Variants in HMCN1 observed in about 807,000 individuals in gnomAD.
The protein encoded by HMCN1 is hemicentin 1, also known as hemicentin-1.
In HMCN1, 321 loss-of-function variants were observed where a neutral mutation model predicts 625.9. The observed-to-expected ratio is 0.51, with a 90% CI of 0.47 to 0.56. The LOEUF is 0.56. HMCN1 is among the 20% of genes least tolerant of loss of function. The probability of loss-of-function intolerance (pLI) is 0.00; values close to 1 mark genes in which losing one functional copy is unlikely to be tolerated. For missense variants in HMCN1, 6,588 were observed against 6,887.3 expected, an observed-to-expected ratio of 0.96 and a Z score of 1.54; for synonymous variants, 2,425 against 2,417.6, an observed-to-expected ratio of 1.00 and a Z score of -0.09.
At chr1:186,011,665 C>T (rs1036586437) in intron 30 of HMCN1, among the ~76,000 whole-genome samples, 1 of 152,192 alleles carries the variant, frequency 6.6e-6, no homozygotes, top group African/African-American at 2.4e-5. Context: ...AATATATCCA[C>T]TGCAAATTTG....
At chr1:186,048,902 G>T in intron 42 of HMCN1, 63 bp downstream of exon 42, 1 of 969,370 alleles carries the variant, frequency 1.0e-6, no homozygotes, top group South Asian at 1.3e-5. Context: ...CACTTAAAAT[G>T]ACATTCATCC....
intron 93 of HMCN1, among the ~76,000 whole-genome samples, chr1:186,147,094 T>A (rs998673761): frequency 1.1e-4 from 17 of 152,200 alleles, no homozygotes; most frequent in Admixed American, 1.0e-3. Flanking sequence ...TCCTACATCA[T>A]CTTGCAGCAT....
rs1300583986 is a variant in HMCN1, at chr1:185,888,737, T to C, written c.622-20600T>C. 2.7e-5 allele frequency among the ~76,000 whole-genome samples: 4 copies of C among 146,704 alleles called. No individual in the cohort carries two copies. In the East Asian group the frequency reaches 7.8e-4, roughly 28 times the overall value. On this transcript the variant is annotated intron_variant, in intron 4 of 106. Transcript: ENST00000271588. ...CCTTGTAGTATAGTTTGAAGTCAGG[T>C]AGCGTGATGCCTCCAGCTTTGTTCT...
intron 73 of HMCN1, 23 bp from the exon 74 acceptor site, chr1:186,114,796 T>C: frequency 6.2e-7 from 1 of 1,613,986 alleles, no homozygotes; most frequent in African/African-American, 1.3e-5. Context: ...TTCAGAAGAC[T>C]TCACTTGTGA....
chr1:185,770,547 T>G (rs1258385601), intron 1 of HMCN1, among the ~76,000 whole-genome samples: 1 of 152,182 alleles, frequency 6.6e-6, no homozygotes, highest in Non-Finnish European at 1.5e-5. Context: ...AGTATCTCCA[T>G]CTTAGACTAC....
At chr1:185,765,318 G>A (rs938136078) in intron 1 of HMCN1, among the ~76,000 whole-genome samples, 1 of 152,006 alleles carries the variant, frequency 6.6e-6, no homozygotes, top group African/African-American at 2.4e-5. Flanking sequence ...GAAAAACGGA[G>A]GAGAGAGAAA....
chr1:185,919,090 T>TATATATATAA (rs1491448685), intron 6 of HMCN1, among the ~76,000 whole-genome samples: 5 of 150,194 alleles, frequency 3.3e-5, no homozygotes, highest in African/African-American at 1.2e-4. Flanking sequence ...TATATATATA[T>TATATATATAA]AATTTTATTA....
At chr1:186,103,347 CT>C in intron 68 of HMCN1, 124 bp from the exon 69 acceptor site, 1 of 769,882 alleles carries the variant, frequency 1.3e-6, no homozygotes, top group South Asian at 1.6e-5. Flanking sequence ...AATTATTTCA[CT>C]TTCCTTGTTC....
At chr1:186,104,686 C>T (rs1363977889) in intron 69 of HMCN1, among the ~76,000 whole-genome samples, 1 of 152,152 alleles carries the variant, frequency 6.6e-6, no homozygotes. Flanking sequence ...CATTGCTGCT[C>T]AGTGATGGAG....
intron 28 of HMCN1, among the ~76,000 whole-genome samples, chr1:186,002,600 C>A (rs74134277): frequency 0.02 from 3,088 of 152,108 alleles, 102 homozygotes; most frequent in African/African-American, 0.07. Context: ...GACATTATTT[C>A]TCCTGGTACT....
intron 68 of HMCN1, among the ~76,000 whole-genome samples, chr1:186,098,739 C>A (rs1660257464): frequency 6.6e-6 from 1 of 152,064 alleles, no homozygotes; most frequent in South Asian, 2.1e-4. Flanking sequence ...TTTATCACAG[C>A]ACTATTCCCA....
intron 89 of HMCN1, among the ~76,000 whole-genome samples, chr1:186,142,191 TTC>T (rs1650012436): frequency 2.0e-5 from 3 of 152,174 alleles, no homozygotes; most frequent in Non-Finnish European, 4.4e-5. Context: ...GTGTTTGTTG[TTC>T]CCCTCTTTCT....
At chr1:185,759,565 T>C (rs6677167) in intron 1 of HMCN1, among the ~76,000 whole-genome samples, 5,386 of 152,290 alleles carry the variant, frequency 0.035, 280 homozygotes, top group African/African-American at 0.12. Context: ...GAAAGCTATG[T>C]GCTTATTGCA....
chr1:186,189,370 G>A (rs1289607121), intron 106 of HMCN1, 142 bp from the exon 107 acceptor site: 1 of 799,072 alleles, frequency 1.3e-6, no homozygotes, highest in Non-Finnish European at 2.1e-6. Context: ...TGACACAGAA[G>A]ACGACTGAGT....
intron 89 of HMCN1, among the ~76,000 whole-genome samples, chr1:186,139,324 C>T (rs769648881): frequency 7.2e-5 from 11 of 152,100 alleles, no homozygotes; most frequent in South Asian, 2.1e-4. Context: ...ACTGTCCTGA[C>T]GTCTTAAAAT....
chr1:185,936,593 T>G (rs1667824290), intron 11 of HMCN1, among the ~76,000 whole-genome samples: 1 of 152,184 alleles, frequency 6.6e-6, no homozygotes, highest in African/African-American at 2.4e-5. Context: ...CATTAATAGC[T>G]CTAACTATCC....
At chr1:186,091,015 C>T in intron 64 of HMCN1, 98 bp downstream of exon 64, 1 of 1,322,804 alleles carries the variant, frequency 7.6e-7, no homozygotes, top group Non-Finnish European at 1.1e-6. Flanking sequence ...AATTCCATCC[C>T]ATTGGAACTT....
At chr1:185,818,911 C>CTT (rs200463566) in intron 1 of HMCN1, among the ~76,000 whole-genome samples, 535 of 143,772 alleles carry the variant, frequency 3.7e-3, no homozygotes, top group African/African-American at 0.013. Flanking sequence ...GCAATTTTAC[C>CTT]TTTTTTTTTT....
chr1:185,867,955 G>A (rs1663370460), intron 4 of HMCN1, among the ~76,000 whole-genome samples: 1 of 152,020 alleles, frequency 6.6e-6, no homozygotes, highest in South Asian at 2.1e-4. Context: ...CATAGTCCCA[G>A]CTACTCGGGA....
Sources: gnomAD v4.1 joint callset for allele counts (sites outside exome capture counted in the v4.1 genomes callset) on GRCh38, gnomAD v4.1.1 for gene constraint, MANE v1.5 for transcripts, NCBI Gene and HGNC (gene_info 2026-07-23, HGNC 2026-07-21) for gene names.